Variants in PAG1 observed in about 807,000 individuals in gnomAD.
The protein encoded by PAG1 is phosphoprotein associated with glycosphingolipid-enriched microdomains 1.
PAG1 carries 23 observed loss-of-function variants against 31.7 expected under a neutral mutation model. The ratio of observed to expected loss-of-function variants is 0.73; its 90% CI spans 0.52 to 1.03. PAG1 has a LOEUF of 1.03. Among genes scored for constraint, PAG1 ranks in the 50% least tolerant of loss-of-function variants. PAG1 has a pLI of 0.00. For missense variants in PAG1, 473 were observed against 540.7 expected, an observed-to-expected ratio of 0.87 and a Z score of 1.24; for synonymous variants, 214 against 210.3, an observed-to-expected ratio of 1.02 and a Z score of -0.15.
At chr8:81,011,616 A>C (rs1807986640) in intron 3 of PAG1, among the ~76,000 whole-genome samples, 1 of 152,204 alleles carries the variant, frequency 6.6e-6, no homozygotes, top group Admixed American at 6.5e-5. Flanking sequence ...GAATAAATGC[A>C]TATCTTTGCA....
intron 1 of PAG1, among the ~76,000 whole-genome samples, chr8:81,071,771 A>AC (rs1261912884): frequency 1.3e-5 from 2 of 152,204 alleles, no homozygotes; most frequent in Non-Finnish European, 2.9e-5. Context: ...GACGCAAGGG[A>AC]TAAGAGGAGT....
intron 3 of PAG1, among the ~76,000 whole-genome samples, chr8:80,993,786 TG>T (rs1807612353): frequency 6.6e-6 from 1 of 151,482 alleles, no homozygotes; most frequent in African/African-American, 2.4e-5. Flanking sequence ...TTTTATTTTT[TG>T]TAGAGACGAA....
intron 6 of PAG1, among the ~76,000 whole-genome samples, chr8:80,986,149 T>A (rs1238721587): frequency 6.6e-6 from 1 of 152,188 alleles, no homozygotes; most frequent in Non-Finnish European, 1.5e-5. Flanking sequence ...AAGCAAGTTA[T>A]TCCATTAGTG....
intron 1 of PAG1, among the ~76,000 whole-genome samples, chr8:81,101,097 G>A (rs939760883): frequency 2.0e-5 from 3 of 152,186 alleles, no homozygotes; most frequent in East Asian, 1.9e-4. Context: ...TGGTGGTAGC[G>A]AAACCATTAA....
chr8:80,980,517 A>C, intron 7 of PAG1, 23 bp from the exon 8 acceptor site: 1 of 1,536,106 alleles, frequency 6.5e-7, no homozygotes, highest in South Asian at 1.1e-5. Context: ...ACACAAGCCA[A>C]GGAAAGTAAT....
intron 3 of PAG1, among the ~76,000 whole-genome samples, chr8:81,010,235 A>G (rs1446301702): frequency 6.6e-6 from 1 of 152,174 alleles, no homozygotes; most frequent in Non-Finnish European, 1.5e-5. Flanking sequence ...AGTTTCTCAC[A>G]TGTATATCCT....
intron 8 of PAG1, among the ~76,000 whole-genome samples, chr8:80,977,543 G>A (rs1456962196): frequency 6.6e-6 from 1 of 152,166 alleles, no homozygotes; most frequent in Non-Finnish European, 1.5e-5. Flanking sequence ...TCTCGTTGGT[G>A]GTACACATAT....
In PAG1 at chr8:81,107,788, C is replaced by T. The variant is rs79960016; in HGVS notation, c.-234+3803G>A. Among the ~76,000 whole-genome samples, 1,492 of 152,318 alleles carry T rather than the reference C, an allele frequency of 9.8e-3. 22 individuals are homozygous for T. Among genetic ancestry groups the T allele is most frequent in the African/African-American group, 0.034 (1,393 of 41,574 alleles). Reference sequence around the variant, plus strand: ...CCCTGCCCTTGAACTCAGCAATGAGCGAGCCCTCAGGGGCTGTCTCTGCGG... The same window carrying T: ...CCCTGCCCTTGAACTCAGCAATGAGTGAGCCCTCAGGGGCTGTCTCTGCGG... On this transcript the variant is annotated intron_variant, in intron 1 of 8. Coordinates refer to ENST00000220597, the MANE Select transcript of PAG1 (RefSeq NM_018440.4).
chr8:81,045,539 A>G (rs897329766), intron 2 of PAG1, among the ~76,000 whole-genome samples: 5 of 152,256 alleles, frequency 3.3e-5, no homozygotes, highest in African/African-American at 1.2e-4. Flanking sequence ...AGATGGGGAA[A>G]TTGGAGGTGG....
intron 6 of PAG1, among the ~76,000 whole-genome samples, chr8:80,987,065 A>C (rs914190271): frequency 7.9e-5 from 12 of 152,194 alleles, no homozygotes; most frequent in African/African-American, 2.7e-4. Flanking sequence ...TATCTTACAG[A>C]GTAGTGTTAT....
rs1807171614 is a variant in PAG1 at position 80,976,031 on chromosome 8, T to C, written c.*513A>G. The C allele has an allele frequency of 6.5e-6, 1 of 154,414 alleles. No individual in the cohort carries two copies. Among genetic ancestry groups the C allele is most frequent in the African/African-American group, 2.4e-5 (1 of 41,426 alleles). The allele number at this position is 154,414 out of a possible 1,614,324, so 9.6% of individuals were successfully genotyped here. The stretch of plus-strand genomic sequence containing the variant: ...TTGTCACCATCCTAAAACACCTATA[T>C]TGAGGGCAAAGGCCAAGCTTTGTGT... On this transcript the variant is annotated 3_prime_UTR_variant, in exon 9 of 9. Transcript: ENST00000220597.
Position 81,103,559 on chromosome 8 carries a change from C to T in PAG1, c.-234+8032G>A, listed in dbSNP as rs79375594. Among the ~76,000 whole-genome samples, 9 of 152,194 alleles carry T rather than the reference C, an allele frequency of 5.9e-5. No homozygotes were observed. The East Asian group carries it at 7.7e-4, about 13-fold the overall frequency. On this transcript the variant is annotated intron_variant, in intron 1 of 8. Transcript: ENST00000220597. ...AGGCATAATATTTAACTAAAACATA[C>T]GGTAATTATTTCCATCATCTCCAAA...
intron 2 of PAG1, among the ~76,000 whole-genome samples, chr8:81,039,204 C>T (rs1808512711): frequency 6.6e-6 from 1 of 152,048 alleles, no homozygotes; most frequent in South Asian, 2.1e-4. Flanking sequence ...TGATTTATGT[C>T]CCCCAAAATT....
At chr8:81,015,929 T>C (rs1172879155) in intron 3 of PAG1, among the ~76,000 whole-genome samples, 1 of 152,206 alleles carries the variant, frequency 6.6e-6, no homozygotes, top group Non-Finnish European at 1.5e-5. Flanking sequence ...GGTGTGTCAA[T>C]GTTGAACCCA....
intron 3 of PAG1, among the ~76,000 whole-genome samples, chr8:81,020,449 A>G (rs527805676): frequency 6.6e-5 from 10 of 152,256 alleles, no homozygotes; most frequent in African/African-American, 2.4e-4. Context: ...GGACTTTCCC[A>G]TGTTGTTCTC....
At chr8:81,061,410 C>T (rs1199964615) in intron 2 of PAG1, among the ~76,000 whole-genome samples, 1 of 152,172 alleles carries the variant, frequency 6.6e-6, no homozygotes, top group East Asian at 1.9e-4. Flanking sequence ...CACAAATGCT[C>T]ATCATGTTGA....
chr8:81,021,362 A>G (rs1808166567), intron 3 of PAG1, among the ~76,000 whole-genome samples: 1 of 151,720 alleles, frequency 6.6e-6, no homozygotes, highest in Admixed American at 6.6e-5. Flanking sequence ...CATGTGTTAC[A>G]ATTAATGGAC....
chr8:81,061,113 C>T (rs1439184360), intron 2 of PAG1, among the ~76,000 whole-genome samples: 1 of 152,160 alleles, frequency 6.6e-6, no homozygotes, highest in Non-Finnish European at 1.5e-5. Context: ...CCAGACATAA[C>T]AAGATTAGAC....
At chr8:81,024,858 C>T (rs918049075) in intron 3 of PAG1, among the ~76,000 whole-genome samples, 1 of 152,194 alleles carries the variant, frequency 6.6e-6, no homozygotes, top group African/African-American at 2.4e-5. Flanking sequence ...CTTCTTCCAT[C>T]TTTTCTACCT....
Sources: allele counts gnomAD v4.1 joint callset (sites outside exome capture counted in the v4.1 genomes callset), GRCh38; gene constraint gnomAD v4.1.1; transcripts MANE v1.5; gene names NCBI Gene and HGNC (gene_info 2026-07-23, HGNC 2026-07-21).